TMC1: variants seen among roughly 807,000 people sequenced by gnomAD.
The protein encoded by TMC1 is transmembrane channel-like protein 1.
Under a neutral mutation model 105.8 loss-of-function variants are expected in TMC1, and 84 were observed. The ratio of observed to expected loss-of-function variants is 0.79; its 90% CI spans 0.67 to 0.95. The LOEUF (loss-of-function observed/expected upper bound fraction) is 0.95. TMC1 is among the 40% of genes least tolerant of loss of function. The pLI, the probability that TMC1 is intolerant of heterozygous loss-of-function variation, is 0.00. For synonymous variants in TMC1, 315 were observed against 311.5 expected (o/e 1.01, Z -0.12); for missense variants, 817 against 914.1 (o/e 0.89, Z 1.37).
intron 8 of TMC1, among the ~76,000 whole-genome samples, chr9:72,734,898 A>G (rs1827273400): frequency 6.6e-6 from 1 of 152,252 alleles, no homozygotes; most frequent in South Asian, 2.1e-4. Flanking sequence ...TGGGATGAGA[A>G]TGTGTCAAAG....
At chr9:72,718,795 C>G (rs956939350) in intron 8 of TMC1, among the ~76,000 whole-genome samples, 1 of 152,120 alleles carries the variant, frequency 6.6e-6, no homozygotes, top group Non-Finnish European at 1.5e-5. Flanking sequence ...TTGTCTTTAG[C>G]TACCAGGGTG....
At chr9:72,730,253 G>A (rs1827188480) in intron 8 of TMC1, among the ~76,000 whole-genome samples, 1 of 152,062 alleles carries the variant, frequency 6.6e-6, no homozygotes, top group Non-Finnish European at 1.5e-5. Context: ...GGAAAAGGGG[G>A]TTTTAGTTTC....
At chr9:72,655,867 C>T (rs1564471521) in intron 5 of TMC1, 2 of 764,216 alleles carry the variant, frequency 2.6e-6, no homozygotes, top group South Asian at 2.7e-5. Flanking sequence ...ATCTCAACTC[C>T]TGGCTCAATA....
chr9:72,820,684 A>G (rs1485803124), intron 19 of TMC1, among the ~76,000 whole-genome samples, 158 bp from the exon 20 acceptor site: 1 of 152,232 alleles, frequency 6.6e-6, no homozygotes, highest in Non-Finnish European at 1.5e-5. Context: ...TTGGAAATAG[A>G]TAAGTGCAGT....
intron 2 of TMC1, among the ~76,000 whole-genome samples, chr9:72,595,828 C>A (rs902058981): frequency 6.6e-6 from 1 of 151,096 alleles, no homozygotes; most frequent in African/African-American, 2.4e-5. Context: ...AGGCATGCAC[C>A]ACCACGCTGG....
chr9:72,547,740 G>C (rs1297342858), intron 1 of TMC1, among the ~76,000 whole-genome samples: 1 of 152,220 alleles, frequency 6.6e-6, no homozygotes, highest in African/African-American at 2.4e-5. Context: ...GATAGGAACA[G>C]AGCCTGAAAT....
intron 2 of TMC1, among the ~76,000 whole-genome samples, chr9:72,581,532 C>A (rs1824475272): frequency 6.6e-6 from 1 of 152,180 alleles, no homozygotes; most frequent in Non-Finnish European, 1.5e-5. Flanking sequence ...GCCCTGAGGA[C>A]TCTTGGGCCA....
At chr9:72,619,440 C>CATAAAAT (rs1224768438) in intron 3 of TMC1, among the ~76,000 whole-genome samples, 1 of 152,064 alleles carries the variant, frequency 6.6e-6, no homozygotes, top group African/African-American at 2.4e-5. Context: ...AAATATTATG[C>CATAAAAT]ATGCAGTATA....
Position 72,751,976 on chromosome 9 carries a change from T to G in TMC1, c.642+20T>G. On this transcript the variant is annotated intron_variant, in intron 11 of 23. Coordinates refer to ENST00000297784, the MANE Select transcript of TMC1 (RefSeq NM_138691.3). The stretch of plus-strand genomic sequence containing the variant: ...CCAGAGGTGAGATCTGACTTCCAGT[T>G]TACAAAACATGCTGAAAAATGTTTC... 1.4e-6 allele frequency: 2 copies of G among 1,441,302 alleles called. No individual in the cohort carries two copies. Among genetic ancestry groups the G allele is most frequent in the Non-Finnish European group, 2.0e-6 (2 of 1,022,964 alleles). The allele number at this position is 1,441,302 out of a possible 1,614,324, so 89.3% of individuals were successfully genotyped here.
chr9:72,609,179 C>CCTT (rs1554715331), intron 2 of TMC1, among the ~76,000 whole-genome samples: 2 of 136,058 alleles, frequency 1.5e-5, no homozygotes, highest in Admixed American at 7.6e-5. Context: ...CTTCCTCCTT[C>CCTT]CCTTCCTTCC....
At position 72,799,721 on chromosome 9, in the gene TMC1, A is replaced by C. The variant is rs139158363; in HGVS notation, c.1567-5661A>C. Among the ~76,000 whole-genome samples the C allele has an allele frequency of 6.9e-3, 1,057 of 152,280 alleles. 38 individuals are homozygous for C. The highest frequency in any genetic ancestry group is 0.063 in the Admixed American group (964 of 15,294). ...CTTAATACAGGAGTGCTTGTGATTC[A>C]GGATGTGGTAGACAGAATAATGGCC... is the stretch of plus-strand genomic sequence containing the variant. On this transcript the variant is annotated intron_variant, in intron 17 of 23. Transcript: ENST00000297784.
At chr9:72,733,044 C>G (rs1216039480) in intron 8 of TMC1, among the ~76,000 whole-genome samples, 1 of 152,194 alleles carries the variant, frequency 6.6e-6, no homozygotes, top group Admixed American at 6.5e-5. Flanking sequence ...ATTCAAACCC[C>G]TGTCCCAATT....
At chr9:72,708,379 T>G (rs1215531343) in intron 8 of TMC1, among the ~76,000 whole-genome samples, 4 of 152,340 alleles carry the variant, frequency 2.6e-5, no homozygotes, top group Non-Finnish European at 2.9e-5. Flanking sequence ...ACAATAGTGA[T>G]TCTACCCAAC....
At chr9:72,687,104 G>T (rs1826391188) in intron 5 of TMC1, among the ~76,000 whole-genome samples, 1 of 151,844 alleles carries the variant, frequency 6.6e-6, no homozygotes, top group South Asian at 2.1e-4. Context: ...TCATTTAGTA[G>T]GTTTTTCTGT....
chr9:72,829,496 C>CACACACAA (rs1477229948), intron 21 of TMC1, among the ~76,000 whole-genome samples: 1 of 152,012 alleles, frequency 6.6e-6, no homozygotes, highest in African/African-American at 2.4e-5. Flanking sequence ...TAATACACAC[C>CACACACAA]ACACACAAAC....
At chr9:72,772,187 A>C (rs528995538) in intron 12 of TMC1, among the ~76,000 whole-genome samples, 1 of 152,302 alleles carries the variant, frequency 6.6e-6, no homozygotes, top group Non-Finnish European at 1.5e-5. Context: ...TTTGCTTAAA[A>C]ATTTTATCTA....
intron 4 of TMC1, among the ~76,000 whole-genome samples, chr9:72,628,910 C>G (rs889556479): frequency 2.0e-5 from 3 of 151,992 alleles, no homozygotes; most frequent in African/African-American, 7.3e-5. Context: ...CACAACTGGC[C>G]TTGTATTATT....
chr9:72,661,715 A>C (rs1328651441), intron 5 of TMC1, among the ~76,000 whole-genome samples: 3 of 152,204 alleles, frequency 2.0e-5, no homozygotes, highest in African/African-American at 7.2e-5. Context: ...TTGGCCAGAT[A>C]ATTTTGCTTA....
rs3123548 is a variant in TMC1 at position 72,786,145 on chromosome 9, A to G, written c.885-2194A>G. 4.6e-3 allele frequency among the ~76,000 whole-genome samples: 697 copies of G among 152,334 alleles called. 5 individuals are homozygous for G. Among genetic ancestry groups the G allele is most frequent in the African/African-American group, 0.015 (640 of 41,582 alleles). On this transcript the variant is annotated intron_variant, in intron 13 of 23. Coordinates refer to ENST00000297784, the MANE Select transcript of TMC1 (RefSeq NM_138691.3). ...CAAACTTGTCCAAGTCAAGAAATTC[A>G]GTATAAAAACCTTAGGCAGGCCAGG...
Sources: gnomAD v4.1 joint callset for allele counts (sites outside exome capture counted in the v4.1 genomes callset) on GRCh38, gnomAD v4.1.1 for gene constraint, MANE v1.5 for transcripts, NCBI Gene and HGNC (gene_info 2026-07-23, HGNC 2026-07-21) for gene names.